Variants in PGAM2 observed in about 807,000 individuals in gnomAD.
PGAM2 encodes phosphoglycerate mutase 2, also known as BPG-dependent PGAM 2.
Under a neutral mutation model 22.5 loss-of-function variants are expected in PGAM2, and 23 were observed. That is an observed-to-expected ratio of 1.02 (90% CI 0.74 to 1.45). The LOEUF (loss-of-function observed/expected upper bound fraction) is 1.45. Among genes scored for constraint, PGAM2 ranks in the 40% most tolerant of loss-of-function variants. The pLI is 0.00. For missense variants in PGAM2, 349 were observed against 356.2 expected (o/e 0.98, Z 0.16); for synonymous variants, 133 against 138.6 (o/e 0.96, Z 0.29).
chr7:44,062,783 G>A lies in PGAM2; in HGVS notation c.743C>T (p.Ala248Val), dbSNP rs545672711. ...CACCCCTCACTTGGCCTTGCCCTGG[G>A]CAGCCACAGCCTCCATGGCCTTCCG... ...TVRKAMEAVA[A>V]QGKAK The change falls in exon 3 of 3, where the codon GCC becomes GTC. Residue 248 changes from alanine (A) to valine (V), a missense_variant. Ala to Val is a moderately conservative substitution (Grantham distance 64). Coordinates refer to ENST00000297283, the MANE Select transcript of PGAM2 (RefSeq NM_000290.4). The A allele has an allele frequency of 6.2e-7, 1 of 1,614,162 alleles. No homozygotes were observed. Among genetic ancestry groups the A allele is most frequent in the Non-Finnish European group, 8.5e-7 (1 of 1,180,032 alleles).
chr7:44,064,519 G>C (rs2096155281), intron 2 of PGAM2: 1 of 420,238 alleles, frequency 2.4e-6, no homozygotes, highest in South Asian at 2.2e-5. Context: ...TTTGGAGCCA[G>C]ATGCTCTAAG....
chr7:44,065,233 G>A lies in PGAM2; in HGVS notation c.297C>T (p.Asn99=), dbSNP rs1586001974. ...ERHYGGLTGL[N]KAETAAKHGE... ...CGTGCTTGGCGGCCGTTTCTGCCTT[G>A]TTGAGGCCTGTGAGGCCCCCGTAAT... The change falls in exon 1 of 3, where the codon AAC becomes AAT. Residue 99 remains asparagine, a synonymous_variant. Coordinates refer to ENST00000297283, the MANE Select transcript of PGAM2 (RefSeq NM_000290.4). The A allele has an allele frequency of 6.2e-7, 1 of 1,613,982 alleles. No homozygotes were observed. Among genetic ancestry groups the A allele is most frequent in the South Asian group, 1.1e-5 (1 of 91,086 alleles).
At chr7:44,064,804 C>CA in intron 2 of PGAM2, 28 bp downstream of exon 2, 3 of 1,437,728 alleles carry the variant, frequency 2.1e-6, no homozygotes, top group East Asian at 2.4e-5. Flanking sequence ...CCCACCCACC[C>CA]TGCCCAGGCT....
rs1375171028 is a variant in PGAM2, at chr7:44,065,301, T to C, written c.229A>G (p.Met77Val). Residue 77 changes from methionine to valine, a missense_variant, in exon 1 of 3, where the codon ATG (methionine) becomes GTG (valine). Coordinates refer to ENST00000297283, the MANE Select transcript of PGAM2 (RefSeq NM_000290.4). ...CAAGTGCGCACCACAGGCAGCCACA[T>C]CTGGTCCGTGCCGTCCAGGATGGCC... ...LWAILDGTDQ[M>V]WLPVVRTWRL... is the part of the protein sequence containing the mutation. 6.2e-7 allele frequency: 1 copy of C among 1,613,668 alleles called. No homozygotes were observed. Among genetic ancestry groups the C allele is most frequent in the Non-Finnish European group, 8.5e-7 (1 of 1,180,030 alleles).
At chr7:44,064,753 CGA>C (rs2096155859) in intron 2 of PGAM2, 77 bp downstream of exon 2, 3 of 1,275,026 alleles carry the variant, frequency 2.4e-6, no homozygotes, top group Non-Finnish European at 3.3e-6. Context: ...GGTCCATGGG[CGA>C]GAGACTTTGC....
rs2096156189 is a variant in PGAM2 at position 44,064,851 on chromosome 7, G to A, written c.576C>T (p.Gly192=). Residue 192 remains glycine (G), a synonymous_variant, in exon 2 of 3, where the codon GGC becomes GGT. Transcript: ENST00000297283. ...LIAAHGNSLR[G]IVKHLEGMSD... Reference sequence around the variant, plus strand: ...CCTCACCTTCCAGGTGCTTGACAATGCCCCGCAGGCTGTTCCCGTGGGCTG... The same window carrying A: ...CCTCACCTTCCAGGTGCTTGACAATACCCCGCAGGCTGTTCCCGTGGGCTG... 7.3e-7 allele frequency: 1 copy of A among 1,362,496 alleles called. No individual in the cohort carries two copies. Among genetic ancestry groups the A allele is most frequent in the Non-Finnish European group, 9.8e-7 (1 of 1,022,710 alleles). 84.4% of individuals were successfully genotyped at this position (1,362,496 alleles called of 1,614,324 possible). A position where few individuals can be genotyped will look rare whatever the true frequency, so the allele number is the denominator to read the frequency against.
chr7:44,063,522 T>C (rs979045542), intron 2 of PGAM2: 2 of 170,998 alleles, frequency 1.2e-5, no homozygotes, highest in South Asian at 1.3e-4. Context: ...TCAGGTGATC[T>C]GCCTGCCTCA....
rs1291219527 is a variant in PGAM2, at chr7:44,062,739, T to C, written c.*25A>G. The C allele has an allele frequency of 6.8e-6, 11 of 1,611,812 alleles. No individual in the cohort carries two copies. The highest frequency in any genetic ancestry group is 9.3e-6 in the Non-Finnish European group (11 of 1,179,190). On this transcript the variant is annotated 3_prime_UTR_variant, in exon 3 of 3. Coordinates refer to ENST00000297283, the MANE Select transcript of PGAM2 (RefSeq NM_000290.4). ...CTGGACTCCAGGCTGTTGGGGGAGG[T>C]GCCTTTATTGCCCAAGCCCACCCCT...
chr7:44,065,295 G>T lies in PGAM2; in HGVS notation c.235C>A (p.Leu79Met). Residue 79 changes from leucine (L) to methionine (M), a missense_variant, in exon 1 of 3, where the codon CTG (leucine) becomes ATG (methionine). Leu to Met is a conservative substitution (Grantham distance 15). Coordinates refer to ENST00000297283, the MANE Select transcript of PGAM2 (RefSeq NM_000290.4). ...AGGCGCCAAGTGCGCACCACAGGCA[G>T]CCACATCTGGTCCGTGCCGTCCAGG... is the stretch of plus-strand genomic sequence containing the variant. Reference protein sequence around the residue: ...AILDGTDQMWLPVVRTWRLNE... With the variant: ...AILDGTDQMWMPVVRTWRLNE... The T allele has an allele frequency of 6.2e-7, 1 of 1,613,628 alleles. No individual in the cohort carries two copies.
intron 2 of PGAM2, 128 bp from the exon 3 acceptor site, chr7:44,063,058 C>T (rs1562660132): frequency 5.0e-6 from 5 of 994,712 alleles, no homozygotes; most frequent in Admixed American, 3.8e-5. Context: ...GCCCTGAGAA[C>T]GAGGCCACAG....
At position 44,065,357 on chromosome 7, in the gene PGAM2, G is replaced by C; in HGVS notation, c.173C>G (p.Ser58Ter). The C allele has an allele frequency of 6.2e-7, 1 of 1,613,902 alleles. No individual in the cohort carries two copies. Among genetic ancestry groups the C allele is most frequent in the South Asian group, 1.1e-5 (1 of 91,088 alleles). ...AKMEFDICYT[S>*]VLKRAIRTLW... is the part of the protein sequence containing the mutation. ...GGTGCGGATGGCCCGCTTCAGCACTGACGTGTAGCAGATGTCAAACTCCAT... is the reference window on the plus strand; with the variant it reads ...GGTGCGGATGGCCCGCTTCAGCACTCACGTGTAGCAGATGTCAAACTCCAT... The change falls in exon 1 of 3, where the codon TCA becomes TGA. Residue 58 changes from serine to a stop codon, truncating the protein, a stop_gained. Coordinates refer to ENST00000297283, the MANE Select transcript of PGAM2 (RefSeq NM_000290.4). LOFTEE classifies it high-confidence loss of function.
chr7:44,062,737 G>A lies in PGAM2; in HGVS notation c.*27C>T. The A allele has an allele frequency of 6.2e-7, 1 of 1,612,720 alleles. No homozygotes were observed. The highest frequency in any genetic ancestry group is 8.5e-7 in the Non-Finnish European group (1 of 1,179,282). ...CGCTGGACTCCAGGCTGTTGGGGGA[G>A]GTGCCTTTATTGCCCAAGCCCACCC... On this transcript the variant is annotated 3_prime_UTR_variant, in exon 3 of 3. Coordinates refer to ENST00000297283, the MANE Select transcript of PGAM2 (RefSeq NM_000290.4).
At position 44,064,745 on chromosome 7, in the gene PGAM2, TCCATGGGC is replaced by T. The variant is rs572751416; in HGVS notation, c.595+79_595+86del. On this transcript the variant is annotated intron_variant, in intron 2 of 2. Coordinates refer to ENST00000297283, the MANE Select transcript of PGAM2 (RefSeq NM_000290.4). Reference sequence around the variant, plus strand: ...GGAGCCCCACGCCTAGAAAGCCTGGTCCATGGGCGAGAGACTTTGCTGAGATGAGAAGC... The same window carrying T: ...GGAGCCCCACGCCTAGAAAGCCTGGTGAGAGACTTTGCTGAGATGAGAAGC... 4,873 of 1,186,374 alleles carry T rather than the reference TCCATGGGC, an allele frequency of 4.1e-3. 20 individuals carry two copies. The highest frequency in any genetic ancestry group is 4.9e-3 in the Non-Finnish European group (4,035 of 828,298). 73.5% of individuals were successfully genotyped at this position (1,186,374 alleles called of 1,614,324 possible).
In PGAM2 at chr7:44,064,942, C is replaced by G. The variant is rs138954968; in HGVS notation, c.485G>C (p.Arg162Pro). Reference protein sequence around the residue: ...TCESLKDTIARALPFWNEEIV... With the variant: ...TCESLKDTIAPALPFWNEEIV... ...CTCCTCGTTCCAGAAGGGCAGGGCC[C>G]GGGCAATGGTGTCCTTGAGGCTCTC... is the stretch of plus-strand genomic sequence containing the variant. The change falls in exon 2 of 3, where the codon CGG becomes CCG. Residue 162 changes from arginine to proline, a missense_variant. Coordinates refer to ENST00000297283, the MANE Select transcript of PGAM2 (RefSeq NM_000290.4). The G allele has an allele frequency of 4.3e-6, 7 of 1,609,662 alleles. No homozygotes were observed. The African/African-American group carries it at 9.3e-5, about 21-fold the overall frequency.
rs6956492 is a variant in PGAM2 at position 44,064,620 on chromosome 7, A to G, written c.595+212T>C. 0.25 allele frequency: 147,762 copies of G among 591,318 alleles called. 20,137 individuals carry two copies. Among genetic ancestry groups the G allele is most frequent in the African/African-American group, 0.42 (22,781 of 53,866 alleles). 36.6% of individuals were successfully genotyped at this position (591,318 alleles called of 1,614,324 possible). ...TCGGGACACAGCGAGCTTCGAGTGC[A>G]GTCAGCCCCTGTGGAGTGTGTCCCA... is the stretch of plus-strand genomic sequence containing the variant. On this transcript the variant is annotated intron_variant, in intron 2 of 2. Coordinates refer to ENST00000297283, the MANE Select transcript of PGAM2 (RefSeq NM_000290.4).
intron 2 of PGAM2, chr7:44,064,396 T>G (rs965734497): frequency 7.6e-6 from 2 of 262,604 alleles, no homozygotes; most frequent in South Asian, 4.1e-5. Flanking sequence ...CTGCGAGGGG[T>G]CCAAGCCTAC....
In PGAM2 at chr7:44,065,440, CA is replaced by C. The variant is rs2096158077; in HGVS notation, c.89del (p.Leu30ArgfsTer31). 1 of 1,614,008 alleles carries C rather than the reference CA, an allele frequency of 6.2e-7. No homozygotes were observed. Among genetic ancestry groups the C allele is most frequent in the South Asian group, 1.1e-5 (1 of 91,084 alleles). ...TGGCCTCCTCGGTCCCCTTTTCACTCAGCTCTGCATCGAACCAGCCACAGAA... is the reference window on the plus strand; with the variant it reads ...TGGCCTCCTCGGTCCCCTTTTCACTCGCTCTGCATCGAACCAGCCACAGAA... ...NRFCGWFDAE[L>X]SEKGTEEAKR... On this transcript the variant is annotated frameshift_variant, in exon 1 of 3. Transcript: ENST00000297283. LOFTEE classifies it high-confidence loss of function.
chr7:44,063,037 A>C, intron 2 of PGAM2, 107 bp from the exon 3 acceptor site: 1 of 1,195,296 alleles, frequency 8.4e-7, no homozygotes, highest in Non-Finnish European at 1.2e-6. Flanking sequence ...CCTGGCACCA[A>C]TTCCTTCCCA....
chr7:44,063,117 C>T (rs1004499294), intron 2 of PGAM2, 187 bp from the exon 3 acceptor site: 2 of 652,116 alleles, frequency 3.1e-6, no homozygotes, highest in South Asian at 3.4e-5. Flanking sequence ...AAGCAGCCTA[C>T]AGAAATAGCC....
Sources: gnomAD v4.1 joint callset for allele counts on GRCh38, gnomAD v4.1.1 for gene constraint, MANE v1.5 for transcripts, NCBI Gene and HGNC (gene_info 2026-07-23, HGNC 2026-07-21) for gene names.